The following REEP1 variants were observed in gnomAD, a reference collection of about 807,000 sequenced individuals.
The protein encoded by REEP1 is receptor accessory protein 1.
REEP1 carries 22 observed loss-of-function variants against 40.3 expected under a neutral mutation model. The observed-to-expected ratio is 0.55, with a 90% CI of 0.39 to 0.78. The LOEUF is 0.78. Among genes scored for constraint, REEP1 ranks in the 30% least tolerant of loss-of-function variants. REEP1 has a pLI of 0.00. For synonymous variants in REEP1, 116 were observed against 139.2 expected (o/e 0.83, Z 1.17); for missense variants, 280 against 361.1 (o/e 0.78, Z 1.82).
chr2:86,266,199 C>G (rs993148873), intron 2 of REEP1, among the ~76,000 whole-genome samples: 4 of 152,176 alleles, frequency 2.6e-5, no homozygotes, highest in Non-Finnish European at 2.9e-5. Context: ...AACTTCATAC[C>G]ATATACAAAA....
chr2:86,230,230 G>C (rs1674935535), intron 6 of REEP1, among the ~76,000 whole-genome samples: 1 of 152,190 alleles, frequency 6.6e-6, no homozygotes, highest in Admixed American at 6.5e-5. Context: ...CCTGATGCTG[G>C]GCTGGGAAGA....
intron 1 of REEP1, among the ~76,000 whole-genome samples, chr2:86,298,747 AT>A (rs1385490469): frequency 6.6e-6 from 1 of 152,234 alleles, no homozygotes; most frequent in Non-Finnish European, 1.5e-5. Context: ...CAGAATAGTC[AT>A]GGACAGTCAC....
At chr2:86,281,928 A>G (rs1356446079) in intron 2 of REEP1, among the ~76,000 whole-genome samples, 1 of 152,176 alleles carries the variant, frequency 6.6e-6, no homozygotes, top group Non-Finnish European at 1.5e-5. Context: ...GAAACCTCCA[A>G]TTCCAGATGC....
chr2:86,284,332 C>T (rs1056053829), intron 1 of REEP1, among the ~76,000 whole-genome samples: 2 of 69,176 alleles, frequency 2.9e-5, no homozygotes, highest in Non-Finnish European at 6.7e-5. Flanking sequence ...GCTCAGGGTG[C>T]GTCTCTCCCA....
chr2:86,313,572 C>T (rs1387484453), intron 1 of REEP1, among the ~76,000 whole-genome samples: 2 of 152,188 alleles, frequency 1.3e-5, no homozygotes, highest in Non-Finnish European at 2.9e-5. Flanking sequence ...ATGGCAGAGC[C>T]ATGATTGAAT....
intron 1 of REEP1, among the ~76,000 whole-genome samples, chr2:86,285,739 C>A (rs1482668990): frequency 6.6e-6 from 1 of 152,166 alleles, no homozygotes; most frequent in African/African-American, 2.4e-5. Flanking sequence ...TGGCACAGCA[C>A]CTCCCCCTTT....
intron 1 of REEP1, among the ~76,000 whole-genome samples, chr2:86,291,774 A>G (rs767618701): frequency 2.0e-5 from 3 of 152,194 alleles, no homozygotes; most frequent in Non-Finnish European, 2.9e-5. Context: ...CTTTCTTAGC[A>G]TGAAGAGGCA....
At chr2:86,295,481 C>T (rs571995889) in intron 1 of REEP1, among the ~76,000 whole-genome samples, 2 of 152,332 alleles carry the variant, frequency 1.3e-5, no homozygotes, top group South Asian at 4.1e-4. Context: ...TGGTGGAATA[C>T]TGCACAATAG....
chr2:86,308,465 C>T (rs960653625), intron 1 of REEP1, among the ~76,000 whole-genome samples: 15 of 152,138 alleles, frequency 9.9e-5, no homozygotes, highest in East Asian at 7.7e-4. Context: ...TGAGGTGGGA[C>T]GATCGCTTGA....
intron 7 of REEP1, among the ~76,000 whole-genome samples, chr2:86,226,117 T>TCAC (rs1674681115): frequency 7.9e-5 from 3 of 37,980 alleles, no homozygotes; most frequent in African/African-American, 1.4e-4. Flanking sequence ...ACCACCACCA[T>TCAC]CATCACCACC....
intron 1 of REEP1, among the ~76,000 whole-genome samples, chr2:86,325,428 A>C (rs892836646): frequency 2.0e-5 from 3 of 152,224 alleles, no homozygotes; most frequent in Non-Finnish European, 2.9e-5. Context: ...CTAATTCCTA[A>C]AACCCGTGAA....
intron 1 of REEP1, among the ~76,000 whole-genome samples, chr2:86,324,001 A>C (rs528260209): frequency 6.6e-6 from 1 of 152,324 alleles, no homozygotes; most frequent in African/African-American, 2.4e-5. Context: ...CTGCTGCTTC[A>C]CATCATATAT....
chr2:86,251,545 G>A (rs887967196), intron 5 of REEP1: 8 of 281,128 alleles, frequency 2.8e-5, no homozygotes, highest in South Asian at 7.7e-5. Context: ...ACTGCATTTA[G>A]GCGACTCTCC....
intron 1 of REEP1, among the ~76,000 whole-genome samples, chr2:86,306,835 A>G (rs1679500790): frequency 6.6e-6 from 1 of 152,066 alleles, no homozygotes; most frequent in Admixed American, 6.6e-5. Flanking sequence ...GTGAAAAGCA[A>G]CATGATGGCA....
intron 2 of REEP1, among the ~76,000 whole-genome samples, chr2:86,266,672 T>A (rs1020805681): frequency 1.5e-4 from 23 of 149,838 alleles, no homozygotes; most frequent in African/African-American, 5.6e-4. Context: ...AATAAATAAA[T>A]AAATAAATAA....
At chr2:86,289,603 C>T (rs921971468) in intron 1 of REEP1, among the ~76,000 whole-genome samples, 1 of 152,154 alleles carries the variant, frequency 6.6e-6, no homozygotes. Context: ...ATTGGAATTT[C>T]ACTGTATTCA....
At chr2:86,290,179 TGGAGACG>T (rs1678618865) in intron 1 of REEP1, among the ~76,000 whole-genome samples, 1 of 152,058 alleles carries the variant, frequency 6.6e-6, no homozygotes, top group Non-Finnish European at 1.5e-5. Context: ...GTATTTTTAG[TGGAGACG>T]GGGATTCACT....
chr2:86,320,040 C>T (rs1680210651), intron 1 of REEP1, among the ~76,000 whole-genome samples: 2 of 152,200 alleles, frequency 1.3e-5, no homozygotes, highest in African/African-American at 4.8e-5. Context: ...AAATTTTTGT[C>T]AGTTTAAGCC....
At chr2:86,311,598 C>T (rs1679767793) in intron 1 of REEP1, among the ~76,000 whole-genome samples, 1 of 152,116 alleles carries the variant, frequency 6.6e-6, no homozygotes, top group Non-Finnish European at 1.5e-5. Context: ...ACACAGTATT[C>T]TGCATGTCTC....
Sources: allele counts gnomAD v4.1 joint callset (sites outside exome capture counted in the v4.1 genomes callset), GRCh38; gene constraint gnomAD v4.1.1; transcripts MANE v1.5; gene names NCBI Gene and HGNC (gene_info 2026-07-23, HGNC 2026-07-21).